The following RIC1 variants were observed in gnomAD, a reference collection of about 807,000 sequenced individuals.
The protein encoded by RIC1 is RIC1 partner of RAB6A GEF complex.
In RIC1, 88 loss-of-function variants were observed where a neutral mutation model predicts 169.0. That is an observed-to-expected ratio of 0.52 (90% confidence interval 0.44 to 0.62). The LOEUF (loss-of-function observed/expected upper bound fraction) is 0.62. RIC1 is among the 20% of genes least tolerant of loss of function. The probability of loss-of-function intolerance (pLI) is 0.00; values close to 1 mark genes in which losing one functional copy is unlikely to be tolerated. For missense variants in RIC1, 1,877 were observed against 1,725.5 expected (o/e 1.09, Z -1.56); for synonymous variants, 790 against 601.5 (o/e 1.31, Z -4.59).
intron 1 of RIC1, among the ~76,000 whole-genome samples, chr9:5,640,416 T>TG (rs1818183049): frequency 6.6e-6 from 1 of 152,226 alleles, no homozygotes. Flanking sequence ...TTTAACTTCA[T>TG]CCCTCTGCTT....
chr9:5,721,992 G>A (rs929914419), intron 6 of RIC1, among the ~76,000 whole-genome samples: 1 of 151,424 alleles, frequency 6.6e-6, no homozygotes, highest in Non-Finnish European at 1.5e-5. Flanking sequence ...GGGTTCAAGC[G>A]ATTCTCCTGC....
intron 23 of RIC1, among the ~76,000 whole-genome samples, chr9:5,772,184 T>C (rs1827268388): frequency 6.6e-6 from 1 of 152,182 alleles, no homozygotes; most frequent in Admixed American, 6.5e-5. Context: ...ATGGAAGAAA[T>C]TTGGTTTTGT....
chr9:5,747,029 T>C (rs563729616), intron 11 of RIC1, among the ~76,000 whole-genome samples: 1 of 152,288 alleles, frequency 6.6e-6, no homozygotes, highest in East Asian at 1.9e-4. Context: ...TGCTACTTTG[T>C]CTGATTTCAA....
At chr9:5,715,234 T>G (rs1173175382) in intron 4 of RIC1, among the ~76,000 whole-genome samples, 1 of 152,218 alleles carries the variant, frequency 6.6e-6, no homozygotes, top group Non-Finnish European at 1.5e-5. Context: ...CATAAGGAAT[T>G]CTGAGTGTCT....
intron 2 of RIC1, among the ~76,000 whole-genome samples, chr9:5,685,933 A>G (rs1197420889): frequency 1.3e-5 from 2 of 151,418 alleles, no homozygotes; most frequent in Non-Finnish European, 2.9e-5. Context: ...TTTACAAGAA[A>G]AAAACAAACA....
At position 5,749,507 on chromosome 9, in the gene RIC1, A is replaced by T. The variant is rs559250698; in HGVS notation, c.1452+2002A>T. ...GATAAGTGACCACATCCTCTGTCAA[A>T]GTTGATTTTGTTTGCGTGATTTATT... is the stretch of plus-strand genomic sequence containing the variant. On this transcript the variant is annotated intron_variant, in intron 12 of 25. Coordinates refer to ENST00000414202, the MANE Select transcript of RIC1 (RefSeq NM_020829.4). 3.9e-5 allele frequency among the ~76,000 whole-genome samples: 6 copies of T among 152,216 alleles called. No homozygotes were observed. The South Asian group carries it at 1.2e-3, about 32-fold the overall frequency.
chr9:5,704,534 T>C (rs1822440484), intron 3 of RIC1, among the ~76,000 whole-genome samples: 1 of 152,204 alleles, frequency 6.6e-6, no homozygotes, highest in Admixed American at 6.5e-5. Flanking sequence ...TTAATTGGTT[T>C]GTTTATCTTT....
chr9:5,716,529 C>T (rs918400228), intron 4 of RIC1, among the ~76,000 whole-genome samples: 14 of 152,304 alleles, frequency 9.2e-5, no homozygotes, highest in African/African-American at 3.1e-4. Flanking sequence ...ACAATAATTG[C>T]TTGAACCCGG....
In RIC1 at chr9:5,641,813, G is replaced by C. The variant is rs531812116; in HGVS notation, c.144+12360G>C. Among the ~76,000 whole-genome samples the C allele has an allele frequency of 2.8e-5, 4 of 143,910 alleles. 1 individual carries two copies. The South Asian group carries it at 8.6e-4, about 31-fold the overall frequency. The allele number at this position is 143,910 out of a possible 152,430, so 94.4% of individuals were successfully genotyped here. ...TGTTTAAAATGTGATAGAATTCTGA[G>C]GTCCTTCTCTGTGTTATCTTCAATT... On this transcript the variant is annotated intron_variant, in intron 1 of 25. Transcript: ENST00000414202.
At chr9:5,724,713 T>C (rs759242933) in intron 6 of RIC1, among the ~76,000 whole-genome samples, 3 of 152,330 alleles carry the variant, frequency 2.0e-5, no homozygotes, top group South Asian at 2.1e-4. Flanking sequence ...TAGCTCTTAT[T>C]ATTTTGAGAT....
At chr9:5,710,960 AAG>A (rs1309807310) in intron 3 of RIC1, among the ~76,000 whole-genome samples, 1 of 152,192 alleles carries the variant, frequency 6.6e-6, no homozygotes, top group Non-Finnish European at 1.5e-5. Flanking sequence ...GAGTTGTAGA[AAG>A]AGAGAACAGG....
At chr9:5,700,316 A>G (rs1182028158) in intron 3 of RIC1, among the ~76,000 whole-genome samples, 3 of 152,270 alleles carry the variant, frequency 2.0e-5, no homozygotes, top group South Asian at 2.1e-4. Flanking sequence ...CCTTTTGCCT[A>G]TCCCATAATG....
chr9:5,663,782 T>C (rs994857043), intron 2 of RIC1, among the ~76,000 whole-genome samples: 2 of 152,218 alleles, frequency 1.3e-5, no homozygotes, highest in Non-Finnish European at 2.9e-5. Context: ...CTGTGTCTTT[T>C]AATTGGAGCA....
chr9:5,683,299 G>A (rs1395150647), intron 2 of RIC1, among the ~76,000 whole-genome samples: 1 of 152,152 alleles, frequency 6.6e-6, no homozygotes, highest in East Asian at 1.9e-4. Flanking sequence ...GGTCTTTGAT[G>A]ATGGTGACGT....
chr9:5,642,405 A>G (rs547676998), intron 1 of RIC1, among the ~76,000 whole-genome samples: 2 of 144,696 alleles, frequency 1.4e-5, no homozygotes, highest in Non-Finnish European at 3.0e-5. Context: ...GCTACCACCT[A>G]TGTTCACTCA....
At chr9:5,737,644 C>T (rs1163202916) in intron 7 of RIC1, among the ~76,000 whole-genome samples, 1 of 151,450 alleles carries the variant, frequency 6.6e-6, no homozygotes, top group Non-Finnish European at 1.5e-5. Context: ...GTTGAACAGC[C>T]CAGGGGTTAG....
At chr9:5,657,215 G>A (rs1348580836) in intron 2 of RIC1, among the ~76,000 whole-genome samples, 1 of 151,936 alleles carries the variant, frequency 6.6e-6, no homozygotes, top group Non-Finnish European at 1.5e-5. Flanking sequence ...AGCTTTATGT[G>A]CATATGTTAT....
At chr9:5,693,478 G>A (rs1821705218) in intron 3 of RIC1, among the ~76,000 whole-genome samples, 1 of 152,102 alleles carries the variant, frequency 6.6e-6, no homozygotes, top group Non-Finnish European at 1.5e-5. Context: ...GTACCTCAAA[G>A]ATCATTTATT....
intron 2 of RIC1, among the ~76,000 whole-genome samples, chr9:5,670,869 G>A (rs1218039223): frequency 6.6e-6 from 1 of 152,180 alleles, no homozygotes; most frequent in Non-Finnish European, 1.5e-5. Context: ...GCAGGGAATG[G>A]GTGCTGCTGA....
Sources: gnomAD v4.1 joint callset for allele counts (sites outside exome capture counted in the v4.1 genomes callset) on GRCh38, gnomAD v4.1.1 for gene constraint, MANE v1.5 for transcripts, NCBI Gene and HGNC (gene_info 2026-07-23, HGNC 2026-07-21) for gene names.